The following PCDHA4 variants were observed in gnomAD, a reference collection of about 807,000 sequenced individuals.
The protein encoded by PCDHA4 is protocadherin alpha 4.
Under a neutral mutation model 61.4 loss-of-function variants are expected in PCDHA4, and 49 were observed. That is an observed-to-expected ratio of 0.80 (90% CI 0.63 to 1.01). PCDHA4 has a LOEUF of 1.01. PCDHA4 is among the 50% of genes least tolerant of loss of function. PCDHA4 has a pLI of 0.00. For synonymous variants in PCDHA4, 590 were observed against 550.3 expected, an observed-to-expected ratio of 1.07 and a Z score of -1.01; for missense variants, 1,254 against 1,235.8, an observed-to-expected ratio of 1.01 and a Z score of -0.22.
chr5:140,915,626 GTCTCTC>G (rs57920489), intron 1 of PCDHA4, among the ~76,000 whole-genome samples: 2,942 of 146,518 alleles, frequency 0.02, 88 homozygotes, highest in African/African-American at 0.07. Context: ...GTCTCTTTCT[GTCTCTC>G]TCTCTCTCTC....
intron 1 of PCDHA4, chr5:140,875,919 C>G: frequency 2.5e-6 from 4 of 1,614,168 alleles, no homozygotes; most frequent in Non-Finnish European, 3.4e-6. Flanking sequence ...CGCCTCTGGA[C>G]TCTCATTTTC....
intron 1 of PCDHA4, among the ~76,000 whole-genome samples, chr5:140,902,930 A>G (rs1252677303): frequency 1.3e-5 from 2 of 152,190 alleles, no homozygotes; most frequent in Non-Finnish European, 2.9e-5. Context: ...CATGGTGTAT[A>G]TATACCACAT....
chr5:140,951,662 G>A (rs1246504133), intron 1 of PCDHA4, among the ~76,000 whole-genome samples: 1 of 152,150 alleles, frequency 6.6e-6, no homozygotes, highest in African/African-American at 2.4e-5. Context: ...ACCAGGGCCT[G>A]CCTACAAAAT....
rs1246166621 is a variant in PCDHA4 at position 140,856,524 on chromosome 5, C to A, written c.2385+46952C>A. On this transcript the variant is annotated intron_variant, in intron 1 of 3. Coordinates refer to ENST00000530339, the MANE Select transcript of PCDHA4 (RefSeq NM_018907.4). ...TTTCCACTAGAAGGCGCATCTGATG[C>A]GGATGTTGGAGAGAACGCATTGCTT... The A allele has an allele frequency of 7.5e-6, 12 of 1,598,178 alleles. 1 individual carries two copies. The Middle Eastern group carries it at 1.2e-3, about 155-fold the overall frequency.
At chr5:140,955,385 G>A (rs1416235573) in intron 1 of PCDHA4, among the ~76,000 whole-genome samples, 4 of 152,216 alleles carry the variant, frequency 2.6e-5, no homozygotes, top group South Asian at 4.1e-4. Flanking sequence ...GAATCATGGG[G>A]GCAATTATCC....
At position 140,855,877 on chromosome 5, in the gene PCDHA4, C is replaced by A. The variant is rs577890350; in HGVS notation, c.2385+46305C>A. ...GATGTCGCTGTCGTCCACAAAATAG[C>A]TTTTTAGAACAAAGGCATCAGCCAG... is the stretch of plus-strand genomic sequence containing the variant. On this transcript the variant is annotated intron_variant, in intron 1 of 3. Coordinates refer to ENST00000530339, the MANE Select transcript of PCDHA4 (RefSeq NM_018907.4). 6.7e-6 allele frequency: 6 copies of A among 896,996 alleles called. 1 individual carries two copies. Among genetic ancestry groups the A allele is most frequent in the Non-Finnish European group, 9.9e-6 (6 of 604,068 alleles). 55.6% of individuals were successfully genotyped at this position (896,996 alleles called of 1,614,324 possible).
chr5:140,926,798 C>G, intron 1 of PCDHA4: 2 of 1,455,342 alleles, frequency 1.4e-6, no homozygotes, highest in Non-Finnish European at 1.8e-6. Flanking sequence ...GGAGCGTGCT[C>G]TTCCCCGCGG....
chr5:140,990,605 A>T (rs1234326404), intron 3 of PCDHA4, among the ~76,000 whole-genome samples: 4 of 152,214 alleles, frequency 2.6e-5, no homozygotes, highest in Non-Finnish European at 4.4e-5. Flanking sequence ...GAGTCAGATG[A>T]ATACCGTAAA....
At chr5:140,830,409 G>A (rs1554132809) in intron 1 of PCDHA4, 3 of 1,614,040 alleles carry the variant, frequency 1.9e-6, no homozygotes, top group African/African-American at 2.7e-5. Context: ...ATGGCCTTTA[G>A]CCCCAGCCTT....
At chr5:140,894,469 C>T (rs183471525) in intron 1 of PCDHA4, among the ~76,000 whole-genome samples, 8 of 151,852 alleles carry the variant, frequency 5.3e-5, no homozygotes, top group Admixed American at 5.2e-4. Context: ...ACTTTTTATT[C>T]TTGTTTTCAT....
chr5:141,006,441 C>T (rs2098274470), intron 3 of PCDHA4, among the ~76,000 whole-genome samples: 1 of 152,110 alleles, frequency 6.6e-6, no homozygotes, highest in Non-Finnish European at 1.5e-5. Flanking sequence ...TCTCAATCTC[C>T]TGACCTCGAG....
intron 1 of PCDHA4, chr5:140,867,929 GTTT>G (rs1459004552): frequency 6.6e-6 from 1 of 151,990 alleles, no homozygotes; most frequent in Non-Finnish European, 1.5e-5. Context: ...CACTTCCCTT[GTTT>G]TCCATGAACT....
intron 1 of PCDHA4, among the ~76,000 whole-genome samples, chr5:140,846,739 C>A (rs1314749505): frequency 8.0e-5 from 12 of 149,210 alleles, no homozygotes; most frequent in Non-Finnish European, 6.0e-5. Context: ...TTAAATAGGA[C>A]CCTTACAGAT....
chr5:140,881,282 G>A, intron 1 of PCDHA4: 1 of 795,028 alleles, frequency 1.3e-6, no homozygotes, highest in Non-Finnish European at 1.5e-6. Context: ...GTAAGATGGA[G>A]AGAGAAAATG....
chr5:140,811,529 T>C (rs1554125761), intron 1 of PCDHA4: 2 of 152,210 alleles, frequency 1.3e-5, no homozygotes. Context: ...TACCCAGTAA[T>C]GGGTCAAATG....
At chr5:140,814,260 A>G (rs1223744595) in intron 1 of PCDHA4, 2 of 152,254 alleles carry the variant, frequency 1.3e-5, no homozygotes, top group African/African-American at 4.8e-5. Context: ...ATAAACACCC[A>G]TACTAGCCTA....
chr5:140,930,092 A>G (rs1554207604), intron 1 of PCDHA4: 1 of 152,204 alleles, frequency 6.6e-6, no homozygotes, highest in East Asian at 1.9e-4. Context: ...ACATCTATTT[A>G]TACTGATAGG....
chr5:140,836,323 T>C (rs2150257810), intron 1 of PCDHA4: 1 of 1,613,710 alleles, frequency 6.2e-7, no homozygotes, highest in South Asian at 1.1e-5. Context: ...CGCCACCGCC[T>C]TCTGGTGCTT....
At chr5:140,858,422 G>C in intron 1 of PCDHA4, 3 of 1,554,774 alleles carry the variant, frequency 1.9e-6, no homozygotes, top group Non-Finnish European at 2.6e-6. Flanking sequence ...TATTGGAGGG[G>C]ACCACTCTAG....
Sources: allele counts gnomAD v4.1 joint callset (sites outside exome capture counted in the v4.1 genomes callset), GRCh38; gene constraint gnomAD v4.1.1; transcripts MANE v1.5; gene names NCBI Gene and HGNC (gene_info 2026-07-23, HGNC 2026-07-21).